The following MUC5AC variants were observed in gnomAD, a reference collection of about 807,000 sequenced individuals.
The protein encoded by MUC5AC is mucin 5AC, oligomeric mucus/gel-forming, also known as mucin-5AC.
In MUC5AC, 158 loss-of-function variants were observed where a neutral mutation model predicts 169.7. That is an observed-to-expected ratio of 0.93 (90% CI 0.82 to 1.06). MUC5AC has a LOEUF of 1.06. Ranked by LOEUF, MUC5AC falls within the 50% of genes least tolerant of loss-of-function variation. The probability of loss-of-function intolerance (pLI) is 0.00; values close to 1 mark genes in which losing one functional copy is unlikely to be tolerated. For missense variants in MUC5AC, 4,359 were observed against 3,089.9 expected (o/e 1.41, Z -9.74); for synonymous variants, 1,975 against 1,237.0 (o/e 1.60, Z -12.52).
rs1178558486 is a variant in MUC5AC at position 1,176,925 on chromosome 11, C to T, written c.2655-3C>T. The T allele has an allele frequency of 2.5e-6, 1 of 398,788 alleles. No individual in the cohort carries two copies. Among genetic ancestry groups the T allele is most frequent in the African/African-American group, 2.1e-5 (1 of 48,634 alleles). The allele number at this position is 398,788 out of a possible 1,614,324, so 24.7% of individuals were successfully genotyped here. ...TCTAGCCTGACCCCCAGATGTCCCCCAGCACCTGTGACAGCAGGATGTGGC... is the reference window on the plus strand; with the variant it reads ...TCTAGCCTGACCCCCAGATGTCCCCTAGCACCTGTGACAGCAGGATGTGGC... On this transcript the variant is annotated splice_region_variant and splice_polypyrimidine_tract_variant and intron_variant, in intron 21 of 48. Transcript: ENST00000621226.
In MUC5AC at chr11:1,189,976, C is replaced by G. The variant is rs1340733023; in HGVS notation, c.11831C>G (p.Thr3944Ser). 3 of 765,046 alleles carry G rather than the reference C, an allele frequency of 3.9e-6. No homozygotes were observed. Among genetic ancestry groups the G allele is most frequent in the African/African-American group, 1.7e-5 (1 of 59,162 alleles). 47.4% of individuals were successfully genotyped at this position (765,046 alleles called of 1,614,324 possible). Residue 3944 changes from threonine to serine, a missense_variant, in exon 31 of 49, where the codon ACC becomes AGC. Physicochemically the swap from Thr to Ser is moderately conservative, Grantham distance 58. Coordinates refer to ENST00000621226, the MANE Select transcript of MUC5AC (RefSeq NM_001304359.2). ...STSHVSVSKTTHSQPVTRDCH... is the reference protein window; with the variant it reads ...STSHVSVSKTSHSQPVTRDCH... Reference sequence around the variant, plus strand: ...AGCCATGTTTCTGTATCCAAGACAACCCACTCCCAACCAGTCACCAGAGAC... The same window carrying G: ...AGCCATGTTTCTGTATCCAAGACAAGCCACTCCCAACCAGTCACCAGAGAC...
chr11:1,169,838 TCACC>T (rs1590138251), intron 15 of MUC5AC, among the ~76,000 whole-genome samples: 14 of 92,938 alleles, frequency 1.5e-4, no homozygotes, highest in African/African-American at 1.3e-4. Context: ...ACCCACTCAC[TCACC>T]CACTCACCGA....
chr11:1,199,839 C>T lies in MUC5AC; in HGVS notation c.16586-16C>T. 1 of 757,522 alleles carries T rather than the reference C, an allele frequency of 1.3e-6. No homozygotes were observed. Among genetic ancestry groups the T allele is most frequent in the Non-Finnish European group, 2.4e-6 (1 of 414,494 alleles). The allele number at this position is 757,522 out of a possible 1,614,324, so 46.9% of individuals were successfully genotyped here. ...GGAGCAGCTGGGCTGGTCCTAAACC[C>T]TGTGTTCCTCTCCAGAGTCGACCTG... On this transcript the variant is annotated splice_polypyrimidine_tract_variant and intron_variant, in intron 47 of 48. Coordinates refer to ENST00000621226, the MANE Select transcript of MUC5AC (RefSeq NM_001304359.2).
At chr11:1,158,245 G>C (rs546704089) in intron 1 of MUC5AC, among the ~76,000 whole-genome samples, 173 bp downstream of exon 1, 1 of 152,348 alleles carries the variant, frequency 6.6e-6, no homozygotes, top group East Asian at 1.9e-4. Context: ...TTCCCCTTGT[G>C]GGGTTGGGAA....
chr11:1,159,459 T>G (rs1860061207), intron 1 of MUC5AC, among the ~76,000 whole-genome samples: 1 of 136,926 alleles, frequency 7.3e-6, no homozygotes, highest in African/African-American at 2.8e-5. Flanking sequence ...CCCCCCATGC[T>G]GGGGTGCTGT....
chr11:1,194,381 C>T (rs1861203606), intron 34 of MUC5AC, 21 bp downstream of exon 34: 3 of 711,630 alleles, frequency 4.2e-6, no homozygotes, highest in East Asian at 2.6e-5. Context: ...GCCCGGTGTG[C>T]CGCGGAGGGG....
rs545922096 is a variant in MUC5AC, at chr11:1,200,024, G to A, written c.16700+55G>A. 4.4e-6 allele frequency: 3 copies of A among 680,868 alleles called. No homozygotes were observed. In the African/African-American group the frequency reaches 5.3e-5, roughly 12 times the overall value. The allele number at this position is 680,868 out of a possible 1,614,324, so 42.2% of individuals were successfully genotyped here. A position where few individuals can be genotyped will look rare whatever the true frequency, so the allele number is the denominator to read the frequency against. On this transcript the variant is annotated intron_variant, in intron 48 of 48. Transcript: ENST00000621226. Reference sequence around the variant, plus strand: ...GCGATTGGCTGTGGGGTGCAGTCAGGGCCCCCAGGGCTCTAGGTGCCAGAT... The same window carrying A: ...GCGATTGGCTGTGGGGTGCAGTCAGAGCCCCCAGGGCTCTAGGTGCCAGAT...
In MUC5AC at chr11:1,193,002, C is replaced by A; in HGVS notation, c.14580+20C>A. ...AGAAAGGTAACCCCCTACTTCTCAC[C>A]CTTCTGAAGGCTCAGGGGCTCCTAC... On this transcript the variant is annotated intron_variant, in intron 32 of 48. Coordinates refer to ENST00000621226, the MANE Select transcript of MUC5AC (RefSeq NM_001304359.2). 1.5e-6 allele frequency: 1 copy of A among 675,012 alleles called. No homozygotes were observed. The highest frequency in any genetic ancestry group is 2.7e-6 in the Non-Finnish European group (1 of 365,942). The allele number at this position is 675,012 out of a possible 1,614,324, so 41.8% of individuals were successfully genotyped here. A position where few individuals can be genotyped will look rare whatever the true frequency, so the allele number is the denominator to read the frequency against.
chr11:1,200,010 T>G (rs1254263381), intron 48 of MUC5AC, 41 bp downstream of exon 48: 1 of 709,476 alleles, frequency 1.4e-6, no homozygotes, highest in Non-Finnish European at 2.6e-6. Context: ...CGATTGGCTG[T>G]GGGGTGCAGT....
intron 24 of MUC5AC, 58 bp downstream of exon 24, chr11:1,177,691 G>A (rs1159518268): frequency 1.5e-5 from 6 of 398,256 alleles, no homozygotes; most frequent in Non-Finnish European, 1.8e-5. Flanking sequence ...GGTGGGGAGC[G>A]TGGAACAGGT....
At chr11:1,200,050 A>G in intron 48 of MUC5AC, 81 bp downstream of exon 48, 2 of 648,076 alleles carry the variant, frequency 3.1e-6, no homozygotes, top group Non-Finnish European at 5.5e-6. Context: ...GGTGCCAGAT[A>G]GACGAGGGGC....
Position 1,190,465 on chromosome 11 carries a change from C to T in MUC5AC, c.12320C>T (p.Ser4107Phe), listed in dbSNP as rs1286582568. The T allele has an allele frequency of 7.2e-6, 5 of 696,652 alleles. 1 individual carries two copies. The East Asian group carries it at 8.0e-5, about 11-fold the overall frequency. The allele number at this position is 696,652 out of a possible 1,614,324, so 43.2% of individuals were successfully genotyped here. ...TCCACTCCACAGACCAGCACAACCTCTGCCCCTACAACCAGCACAATCCCT... is the reference window on the plus strand; with the variant it reads ...TCCACTCCACAGACCAGCACAACCTTTGCCCCTACAACCAGCACAATCCCT... ...TTSTPQTSTT[S>F]APTTSTIPAS... The change falls in exon 31 of 49, where the codon TCT becomes TTT. Residue 4107 changes from serine (S) to phenylalanine (F), a missense_variant. Transcript: ENST00000621226.
rs768314770 is a variant in MUC5AC, at chr11:1,191,877, A to G, written c.13732A>G (p.Thr4578Ala). ...CAGCCCTGTTCCCACCACCAGCACA[A>G]CCTCTGCTCCTACAACCAGCACGAC... The part of the protein sequence containing the change: ...TPSPVPTTST[T>A]SAPTTSTTSG... Residue 4578 changes from threonine (T) to alanine (A), a missense_variant, in exon 31 of 49, where the codon ACC (threonine) becomes GCC (alanine). Coordinates refer to ENST00000621226, the MANE Select transcript of MUC5AC (RefSeq NM_001304359.2). 1 of 761,626 alleles carries G rather than the reference A, an allele frequency of 1.3e-6. No individual in the cohort carries two copies. Among genetic ancestry groups the G allele is most frequent in the Non-Finnish European group, 2.4e-6 (1 of 417,054 alleles). The allele number at this position is 761,626 out of a possible 1,614,324, so 47.2% of individuals were successfully genotyped here. A position where few individuals can be genotyped will look rare whatever the true frequency, so the allele number is the denominator to read the frequency against.
Position 1,191,871 on chromosome 11 carries a change from A to G in MUC5AC, c.13726A>G (p.Ser4576Gly), listed in dbSNP as rs1590148933. 1 of 762,812 alleles carries G rather than the reference A, an allele frequency of 1.3e-6. No homozygotes were observed. Among genetic ancestry groups the G allele is most frequent in the Non-Finnish European group, 2.4e-6 (1 of 417,368 alleles). The allele number at this position is 762,812 out of a possible 1,614,324, so 47.3% of individuals were successfully genotyped here. The change falls in exon 31 of 49, where the codon AGC becomes GGC. Residue 4576 changes from serine to glycine, a missense_variant. Physicochemically the swap from Ser to Gly is moderately conservative, Grantham distance 56 (BLOSUM62 0). Coordinates refer to ENST00000621226, the MANE Select transcript of MUC5AC (RefSeq NM_001304359.2). ...TACTCCCAGCCCTGTTCCCACCACC[A>G]GCACAACCTCTGCTCCTACAACCAG... ...GTTPSPVPTT[S>G]TTSAPTTSTT...
At chr11:1,173,837 GACTC>G (rs1462408987) in intron 16 of MUC5AC, among the ~76,000 whole-genome samples, 7 of 114,736 alleles carry the variant, frequency 6.1e-5, no homozygotes, top group Non-Finnish European at 1.1e-4. Flanking sequence ...CTCATTTACT[GACTC>G]ACTAATTCCT....
Position 1,182,459 on chromosome 11 carries a change from G to A in MUC5AC, c.4314G>A (p.Pro1438=), listed in dbSNP as rs1303185768. Residue 1438 remains proline, a synonymous_variant, in exon 31 of 49, where the codon CCG becomes CCA. Coordinates refer to ENST00000621226, the MANE Select transcript of MUC5AC (RefSeq NM_001304359.2). The stretch of plus-strand genomic sequence containing the variant: ...GAGCTGAGGACGCCCCCGGAGTGCC[G>A]CTCCGAGCCCTGGGGCAGCGTGTGC... ...ECRAEDAPGV[P]LRALGQRVQC... The A allele has an allele frequency of 5.0e-6, 2 of 398,588 alleles. No individual in the cohort carries two copies. Among genetic ancestry groups the A allele is most frequent in the African/African-American group, 2.1e-5 (1 of 48,632 alleles). The allele number at this position is 398,588 out of a possible 1,614,324, so 24.7% of individuals were successfully genotyped here. A position where few individuals can be genotyped will look rare whatever the true frequency, so the allele number is the denominator to read the frequency against.
At position 1,179,878 on chromosome 11, in the gene MUC5AC, C is replaced by T. The variant is rs1478771341; in HGVS notation, c.3485-144C>T. On this transcript the variant is annotated intron_variant, in intron 26 of 48. Coordinates refer to ENST00000621226, the MANE Select transcript of MUC5AC (RefSeq NM_001304359.2). The stretch of plus-strand genomic sequence containing the variant: ...TGGCACCCTGATAATTGGGGGGTCC[C>T]GATCTGGCCCACCCTCCCCTGTCCC... The T allele has an allele frequency of 2.8e-5, 11 of 397,004 alleles. No homozygotes were observed. In the South Asian group the frequency reaches 5.6e-4, roughly 20 times the overall value. 24.6% of individuals were successfully genotyped at this position (397,004 alleles called of 1,614,324 possible).
Position 1,158,009 on chromosome 11 carries a change from G to C in MUC5AC, c.10G>C (p.Gly4Arg), listed in dbSNP as rs1303840146. Residue 4 changes from glycine (G) to arginine (R), a missense_variant, in exon 1 of 49, where the codon GGC becomes CGC. By Grantham distance (125) the Gly-to-Arg change is moderately radical (BLOSUM62 -2). Transcript: ENST00000621226. ...CCCCGCCGTCCACACAATGAGTGTT[G>C]GCCGGAGGAAGCTGGCCCTGCTCTG... is the stretch of plus-strand genomic sequence containing the variant. Reference protein sequence around the residue: MSVGRRKLALLWAL... With the variant: MSVRRRKLALLWAL... The C allele has an allele frequency of 6.2e-7, 1 of 1,601,218 alleles. No homozygotes were observed. The highest frequency in any genetic ancestry group is 1.3e-5 in the African/African-American group (1 of 74,826).
At chr11:1,168,387 G>C (rs1860394791) in intron 12 of MUC5AC, 96 bp from the exon 13 acceptor site, 3 of 1,227,522 alleles carry the variant, frequency 2.4e-6, no homozygotes, top group Non-Finnish European at 2.3e-6. Context: ...GCAGGGAAAG[G>C]CCTCCTAGGC....
Sources: allele counts gnomAD v4.1 joint callset (sites outside exome capture counted in the v4.1 genomes callset), GRCh38; gene constraint gnomAD v4.1.1; transcripts MANE v1.5; gene names NCBI Gene and HGNC (gene_info 2026-07-23, HGNC 2026-07-21).